The following SDK1 variants were observed in gnomAD, a reference collection of about 807,000 sequenced individuals.
SDK1 encodes the protein sidekick cell adhesion molecule 1, also known as protein sidekick-1.
In SDK1, 157 loss-of-function variants were observed where a neutral mutation model predicts 245.5. That is an observed-to-expected ratio of 0.64 (90% CI 0.56 to 0.73). The LOEUF (loss-of-function observed/expected upper bound fraction) is 0.73, where lower values mean the gene tolerates loss of function less well. Ranked by LOEUF, SDK1 falls within the 30% of genes least tolerant of loss-of-function variation. SDK1 has a pLI of 0.00. For synonymous variants in SDK1, 1,647 were observed against 1,278.5 expected (o/e 1.29, Z -6.15); for missense variants, 3,583 against 3,002.3 (o/e 1.19, Z -4.52).
intron 40 of SDK1, among the ~76,000 whole-genome samples, chr7:4,231,324 G>C (rs555913750): frequency 6.6e-6 from 1 of 151,948 alleles, no homozygotes; most frequent in African/African-American, 2.4e-5. Flanking sequence ...AGCACTTTGA[G>C]AGGCCAAGGC....
At chr7:3,573,945 T>C (rs1263579526) in intron 1 of SDK1, among the ~76,000 whole-genome samples, 1 of 152,048 alleles carries the variant, frequency 6.6e-6, no homozygotes, top group Non-Finnish European at 1.5e-5. Context: ...TCTACATGCA[T>C]TTACTGAATG....
intron 5 of SDK1, among the ~76,000 whole-genome samples, chr7:3,853,163 A>T (rs572789376): frequency 4.6e-5 from 7 of 152,170 alleles, no homozygotes; most frequent in Non-Finnish European, 1.5e-5. Flanking sequence ...AAAAATGTGC[A>T]TAGAAATGGA....
Position 4,210,024 on chromosome 7 carries a change from G to T in SDK1, c.5402-1G>T. The T allele has an allele frequency of 6.3e-7, 1 of 1,575,884 alleles. No individual in the cohort carries two copies. Among genetic ancestry groups the T allele is most frequent in the South Asian group, 1.2e-5 (1 of 84,882 alleles). ...AGTCACTTTGTGTTCTATTCTCCCA[G>T]CCCCTGGGGCCCCCAGCTTTCTGGC... On this transcript the variant is annotated splice_acceptor_variant, in intron 37 of 44. Coordinates refer to ENST00000404826, the MANE Select transcript of SDK1 (RefSeq NM_152744.4). LOFTEE classifies it high-confidence loss of function.
intron 1 of SDK1, among the ~76,000 whole-genome samples, chr7:3,471,672 AG>A (rs1231571258): frequency 2.0e-5 from 3 of 152,342 alleles, no homozygotes; most frequent in Non-Finnish European, 4.4e-5. Context: ...AGGCCAGCTT[AG>A]CTTGTTTTCA....
rs556857896 is a variant in SDK1 at position 3,992,978 on chromosome 7, A to G, written c.2131+5656A>G. On this transcript the variant is annotated intron_variant, in intron 14 of 44. Coordinates refer to ENST00000404826, the MANE Select transcript of SDK1 (RefSeq NM_152744.4). ...TTATAAATTCATTTTTGCACTATCA[A>G]TATGTTGTGGGCTGTTCACTTTCTC... Among the ~76,000 whole-genome samples the G allele has an allele frequency of 4.5e-4, 68 of 152,318 alleles. 1 individual carries two copies. The highest frequency in any genetic ancestry group is 1.4e-3 in the African/African-American group (59 of 41,568).
rs572310889 is a variant in SDK1, at chr7:3,961,299, T to C, written c.1235-1358T>C. ...ACCTTGAAATGGATTTTTTAATATT[T>C]CCTGACTTAATGAAAAGTGACAGGA... is the stretch of plus-strand genomic sequence containing the variant. On this transcript the variant is annotated intron_variant, in intron 8 of 44. Coordinates refer to ENST00000404826, the MANE Select transcript of SDK1 (RefSeq NM_152744.4). Among the ~76,000 whole-genome samples, 17 of 152,340 alleles carry C rather than the reference T, an allele frequency of 1.1e-4. No homozygotes were observed. In the South Asian group the frequency reaches 3.1e-3, roughly 28 times the overall value.
At chr7:3,793,911 G>C (rs1033307544) in intron 4 of SDK1, among the ~76,000 whole-genome samples, 26 of 152,134 alleles carry the variant, frequency 1.7e-4, no homozygotes, top group African/African-American at 5.6e-4. Flanking sequence ...TCCGGGAGCA[G>C]GGTGCTCCCT....
intron 28 of SDK1, among the ~76,000 whole-genome samples, chr7:4,133,376 G>A (rs370954811): frequency 1.7e-4 from 26 of 152,212 alleles, no homozygotes; most frequent in African/African-American, 6.0e-4. Context: ...TATGTACAGT[G>A]GGGGGTGAGG....
At chr7:3,908,118 G>A (rs1779021188) in intron 5 of SDK1, among the ~76,000 whole-genome samples, 2 of 152,096 alleles carry the variant, frequency 1.3e-5, no homozygotes, top group Non-Finnish European at 1.5e-5. Context: ...GCTGGCTTCT[G>A]TGATACACAC....
At chr7:4,036,221 G>A (rs1345810358) in intron 17 of SDK1, among the ~76,000 whole-genome samples, 1 of 152,078 alleles carries the variant, frequency 6.6e-6, no homozygotes, top group Non-Finnish European at 1.5e-5. Context: ...CTTTTTTCTT[G>A]ACATTAACTA....
chr7:4,157,317 G>A (rs1451725745), intron 30 of SDK1, among the ~76,000 whole-genome samples: 2 of 151,044 alleles, frequency 1.3e-5, no homozygotes, highest in African/African-American at 2.4e-5. Context: ...AGGAAGGAGG[G>A]ACGGGAGGTG....
At chr7:3,368,720 CCT>C (rs1359976515) in intron 1 of SDK1, among the ~76,000 whole-genome samples, 1 of 152,158 alleles carries the variant, frequency 6.6e-6, no homozygotes, top group Admixed American at 6.5e-5. Flanking sequence ...GTCTGTGCCA[CCT>C]CTGTCTTCCC....
intron 1 of SDK1, among the ~76,000 whole-genome samples, chr7:3,464,811 G>A (rs559954113): frequency 1.7e-3 from 251 of 151,888 alleles, no homozygotes; most frequent in African/African-American, 5.9e-3. Context: ...TGTCGGGACA[G>A]TCTTTAAAAA....
chr7:3,403,142 C>T (rs894195291), intron 1 of SDK1, among the ~76,000 whole-genome samples: 2 of 152,122 alleles, frequency 1.3e-5, no homozygotes, highest in Admixed American at 6.6e-5. Flanking sequence ...CCGTGTTGAT[C>T]AGGCTGGTCT....
intron 1 of SDK1, among the ~76,000 whole-genome samples, chr7:3,418,511 A>G (rs911846020): frequency 1.3e-5 from 2 of 152,190 alleles, no homozygotes; most frequent in Non-Finnish European, 2.9e-5. Flanking sequence ...TTGCTTAAAA[A>G]AAGACAGGTG....
At chr7:3,383,442 C>T (rs929187818) in intron 1 of SDK1, among the ~76,000 whole-genome samples, 1 of 152,152 alleles carries the variant, frequency 6.6e-6, no homozygotes, top group East Asian at 1.9e-4. Context: ...TTTCCCTCTC[C>T]CCAGTTTGGA....
chr7:3,450,348 G>C (rs576345723), intron 1 of SDK1, among the ~76,000 whole-genome samples: 1 of 152,314 alleles, frequency 6.6e-6, no homozygotes, highest in South Asian at 2.1e-4. Context: ...CTGGACAAAT[G>C]TGTGGATGAG....
chr7:4,201,225 T>C (rs143728656), intron 35 of SDK1, among the ~76,000 whole-genome samples: 35 of 152,306 alleles, frequency 2.3e-4, no homozygotes, highest in Middle Eastern at 6.8e-3. Flanking sequence ...AGAAGCAGGG[T>C]GATCCCTTTA....
chr7:3,917,215 C>T (rs980055024), intron 5 of SDK1, among the ~76,000 whole-genome samples: 3 of 152,196 alleles, frequency 2.0e-5, no homozygotes, highest in South Asian at 2.1e-4. Context: ...TGAAAGCATA[C>T]GTCTCTGATT....
Sources: gnomAD v4.1 joint callset for allele counts (sites outside exome capture counted in the v4.1 genomes callset) on GRCh38, gnomAD v4.1.1 for gene constraint, MANE v1.5 for transcripts, NCBI Gene and HGNC (gene_info 2026-07-23, HGNC 2026-07-21) for gene names.